The following LRIG1 variants were observed in gnomAD, a reference collection of about 807,000 sequenced individuals.
LRIG1 encodes leucine-rich repeats and immunoglobulin-like domains protein 1.
A neutral mutation model predicts 99.2 loss-of-function variants in LRIG1; 48 were observed. The observed-to-expected ratio is 0.48, with a 90% confidence interval of 0.38 to 0.62. The LOEUF (loss-of-function observed/expected upper bound fraction) is 0.62, where lower values mean the gene tolerates loss of function less well. LRIG1 is among the 20% of genes least tolerant of loss of function. The pLI, the probability that LRIG1 is intolerant of heterozygous loss-of-function variation, is 0.00. For synonymous variants in LRIG1, 772 were observed against 596.1 expected (o/e 1.29, Z -4.30); for missense variants, 1,646 against 1,434.4 (o/e 1.15, Z -2.38).
At chr3:66,392,019 C>T (rs1701640089) in intron 12 of LRIG1, among the ~76,000 whole-genome samples, 1 of 152,164 alleles carries the variant, frequency 6.6e-6, no homozygotes, top group East Asian at 1.9e-4. Context: ...CACAGATTTC[C>T]CCATTCTGGA....
chr3:66,381,222 G>T (rs190711359), intron 17 of LRIG1, among the ~76,000 whole-genome samples: 1 of 152,158 alleles, frequency 6.6e-6, no homozygotes, highest in South Asian at 2.1e-4. Flanking sequence ...TCTATACTTC[G>T]TTTGTGCCTT....
intron 7 of LRIG1, among the ~76,000 whole-genome samples, chr3:66,408,521 C>T (rs6784309): frequency 0.85 from 128,783 of 152,180 alleles, 55,828 homozygotes; most frequent in Non-Finnish European, 0.93. Context: ...GGCTTCATGC[C>T]TTCCACCAGC....
At chr3:66,460,401 G>A (rs534065841) in intron 2 of LRIG1, among the ~76,000 whole-genome samples, 2 of 152,302 alleles carry the variant, frequency 1.3e-5, no homozygotes, top group South Asian at 2.1e-4. Context: ...ATGATGGGCT[G>A]AACTGTGTTC....
intron 3 of LRIG1, among the ~76,000 whole-genome samples, chr3:66,418,648 G>C (rs1034246071): frequency 6.6e-6 from 1 of 152,208 alleles, no homozygotes; most frequent in African/African-American, 2.4e-5. Context: ...AACAGTGTCA[G>C]CATCTCTGGC....
chr3:66,479,832 C>T (rs1279705830), intron 1 of LRIG1, among the ~76,000 whole-genome samples: 1 of 152,202 alleles, frequency 6.6e-6, no homozygotes, highest in Admixed American at 6.5e-5. Flanking sequence ...TGGGAACCTT[C>T]ATACCCTGCT....
At chr3:66,424,369 TAGAGTAAACA>T (rs1702912880) in intron 3 of LRIG1, among the ~76,000 whole-genome samples, 1 of 152,090 alleles carries the variant, frequency 6.6e-6, no homozygotes, top group Non-Finnish European at 1.5e-5. Flanking sequence ...CCATGAAGGT[TAGAGTAAACA>T]GCTGGCATTC....
chr3:66,405,618 C>T (rs62243249), intron 8 of LRIG1: 21,866 of 709,608 alleles, frequency 0.031, 860 homozygotes, highest in Admixed American at 0.17. Context: ...TGAGAATCAA[C>T]CCAAAAGGTT....
intron 12 of LRIG1, among the ~76,000 whole-genome samples, chr3:66,393,324 C>CT (rs1701698320): frequency 6.6e-6 from 1 of 152,176 alleles, no homozygotes; most frequent in South Asian, 2.1e-4. Context: ...CTTGCTCCTG[C>CT]TTAGAGCAAG....
At chr3:66,459,387 T>C (rs1213011693) in intron 2 of LRIG1, among the ~76,000 whole-genome samples, 1 of 152,140 alleles carries the variant, frequency 6.6e-6, no homozygotes, top group African/African-American at 2.4e-5. Context: ...TCAGTGAGGG[T>C]TGAAACCATA....
chr3:66,450,487 C>G (rs1252036331), intron 3 of LRIG1, among the ~76,000 whole-genome samples: 1 of 152,144 alleles, frequency 6.6e-6, no homozygotes, highest in Non-Finnish European at 1.5e-5. Flanking sequence ...GCAATTCTAA[C>G]CCCCCACGCT....
rs549861289 is a variant in LRIG1 at position 66,462,444 on chromosome 3, T to C, written c.284A>G (p.Gln95Arg). The stretch of plus-strand genomic sequence containing the variant: ...GGTTTAGGGGGAGACTCACACTTCC[T>C]GTAGGTTCGGCAAGTCCTCAAAACC... ...PAGFEDLPNL[Q>R]EVYLNNNELT... The change falls in exon 2 of 19, where the codon CAG (glutamine) becomes CGG (arginine). Residue 95 changes from glutamine to arginine, a missense_variant. Transcript: ENST00000273261. The C allele has an allele frequency of 3.5e-5, 56 of 1,611,922 alleles. 1 individual carries two copies. Among genetic ancestry groups the C allele is most frequent in the South Asian group, 1.1e-5 (1 of 90,562 alleles).
At chr3:66,443,121 G>A (rs1312178597) in intron 3 of LRIG1, among the ~76,000 whole-genome samples, 1 of 152,070 alleles carries the variant, frequency 6.6e-6, no homozygotes, top group Non-Finnish European at 1.5e-5. Context: ...GGAATCCCTG[G>A]GAAGTTTCCG....
chr3:66,478,354 G>C (rs1490980786), intron 1 of LRIG1, among the ~76,000 whole-genome samples: 1 of 152,188 alleles, frequency 6.6e-6, no homozygotes, highest in Non-Finnish European at 1.5e-5. Context: ...TATCTCGACA[G>C]GTGTGCGCAG....
chr3:66,393,871 G>A (rs145683636), intron 12 of LRIG1, among the ~76,000 whole-genome samples, 169 bp downstream of exon 12: 5 of 152,228 alleles, frequency 3.3e-5, no homozygotes, highest in South Asian at 2.1e-4. Flanking sequence ...GCAACTCTAC[G>A]GTAAATACTG....
chr3:66,383,976 G>C lies in LRIG1; in HGVS notation c.2071+15C>G, dbSNP rs1428379200. ...CACACACACACACACACACACAGTA[G>C]AGCAATAGGCAAACCTAGGACAGTC... On this transcript the variant is annotated intron_variant, in intron 14 of 18. Transcript: ENST00000273261. 10 of 1,414,196 alleles carry C rather than the reference G, an allele frequency of 7.1e-6. No individual in the cohort carries two copies. In the African/African-American group the frequency reaches 1.3e-4, roughly 18 times the overall value. The allele number at this position is 1,414,196 out of a possible 1,614,324, so 87.6% of individuals were successfully genotyped here. A position where few individuals can be genotyped will look rare whatever the true frequency, so the allele number is the denominator to read the frequency against.
intron 12 of LRIG1, among the ~76,000 whole-genome samples, chr3:66,391,225 C>T (rs1701603510): frequency 6.6e-6 from 1 of 152,158 alleles, no homozygotes; most frequent in African/African-American, 2.4e-5. Flanking sequence ...CATGTAAAAT[C>T]ATGAAGCCAC....
chr3:66,417,376 G>T, intron 3 of LRIG1, 110 bp from the exon 4 acceptor site: 1 of 1,121,218 alleles, frequency 8.9e-7, no homozygotes, highest in Non-Finnish European at 1.3e-6. Context: ...ATGCAGTGAC[G>T]CTCTTAAAAA....
At chr3:66,392,328 G>A (rs980208288) in intron 12 of LRIG1, among the ~76,000 whole-genome samples, 1 of 152,184 alleles carries the variant, frequency 6.6e-6, no homozygotes, top group Non-Finnish European at 1.5e-5. Flanking sequence ...GAACTGCCAG[G>A]TCATGTCGTA....
chr3:66,404,161 A>G (rs1702174581), intron 9 of LRIG1: 2 of 951,398 alleles, frequency 2.1e-6, no homozygotes, highest in African/African-American at 3.4e-5. Context: ...GGACCCTTGT[A>G]TATAAAAGGT....
Sources: allele counts gnomAD v4.1 joint callset (sites outside exome capture counted in the v4.1 genomes callset), GRCh38; gene constraint gnomAD v4.1.1; transcripts MANE v1.5; gene names NCBI Gene and HGNC (gene_info 2026-07-23, HGNC 2026-07-21).